Variants in STARD9 observed in about 807,000 individuals in gnomAD.
The protein encoded by STARD9 is StAR related lipid transfer domain containing 9.
Under a neutral mutation model 399.8 loss-of-function variants are expected in STARD9, and 346 were observed. The ratio of observed to expected loss-of-function variants is 0.87; its 90% CI spans 0.79 to 0.95. STARD9 has a LOEUF of 0.95. Ranked by LOEUF, STARD9 falls within the 40% of genes least tolerant of loss-of-function variation. STARD9 has a pLI of 0.00. For missense variants in STARD9, 5,832 were observed against 5,667.5 expected (o/e 1.03, Z -0.93); for synonymous variants, 2,203 against 2,143.5 (o/e 1.03, Z -0.77).
chr15:42,676,033 GA>G, intron 20 of STARD9, 58 bp downstream of exon 20: 19 of 725,266 alleles, frequency 2.6e-5, no homozygotes, highest in Non-Finnish European at 4.0e-5. Context: ...CTTAGTCCAT[GA>G]CAGCATGGAT....
intron 7 of STARD9, among the ~76,000 whole-genome samples, chr15:42,639,300 A>G (rs1464720032): frequency 6.6e-6 from 1 of 152,050 alleles, no homozygotes; most frequent in East Asian, 1.9e-4. Context: ...TGAGAGGGAA[A>G]ACTGTAGGGA....
At chr15:42,702,694 T>TTGTTATA (rs2060992705) in intron 26 of STARD9, among the ~76,000 whole-genome samples, 1 of 152,230 alleles carries the variant, frequency 6.6e-6, no homozygotes, top group African/African-American at 2.4e-5. Flanking sequence ...AGAAGTGCCT[T>TTGTTATA]TAGCAGTTGT....
chr15:42,716,191 G>A (rs2061346408), intron 26 of STARD9, among the ~76,000 whole-genome samples: 1 of 152,140 alleles, frequency 6.6e-6, no homozygotes, highest in African/African-American at 2.4e-5. Flanking sequence ...CTAATCCCCA[G>A]TTAGGACCTT....
chr15:42,651,771 A>C (rs971480403), intron 8 of STARD9, among the ~76,000 whole-genome samples: 15 of 152,174 alleles, frequency 9.9e-5, no homozygotes, highest in Non-Finnish European at 2.1e-4. Flanking sequence ...TCCTGGAGAC[A>C]CTTACTTCTG....
chr15:42,713,116 CAAT>C (rs2061281072), intron 26 of STARD9, among the ~76,000 whole-genome samples: 1 of 152,108 alleles, frequency 6.6e-6, no homozygotes, highest in African/African-American at 2.4e-5. Context: ...TTAATTTCAA[CAAT>C]GTTTCGAAGT....
chr15:42,633,784 A>G (rs1205266943), intron 3 of STARD9, among the ~76,000 whole-genome samples: 1 of 151,668 alleles, frequency 6.6e-6, no homozygotes, highest in Non-Finnish European at 1.5e-5. Flanking sequence ...CTGGGATTAT[A>G]GGTGCCCGCC....
At chr15:42,635,988 T>G (rs2059411573) in intron 4 of STARD9, among the ~76,000 whole-genome samples, 1 of 152,238 alleles carries the variant, frequency 6.6e-6, no homozygotes, top group African/African-American at 2.4e-5. Context: ...CTTTTTGTTT[T>G]GGGTTTAGAA....
intron 24 of STARD9, among the ~76,000 whole-genome samples, 160 bp downstream of exon 24, chr15:42,694,885 A>G (rs1461096493): frequency 6.6e-6 from 1 of 152,060 alleles, no homozygotes; most frequent in Non-Finnish European, 1.5e-5. Flanking sequence ...GGGGGTGGGC[A>G]GAGAGAAGGC....
chr15:42,679,136 C>T (rs1217285042), intron 20 of STARD9, among the ~76,000 whole-genome samples: 4 of 152,184 alleles, frequency 2.6e-5, no homozygotes, highest in Non-Finnish European at 5.9e-5. Context: ...CTGTCTCAGC[C>T]TCTTGCATCT....
intron 1 of STARD9, chr15:42,581,541 G>C (rs2058170487): frequency 8.1e-7 from 1 of 1,232,166 alleles, no homozygotes; most frequent in Non-Finnish European, 1.2e-6. Flanking sequence ...GCGGCGCCGG[G>C]CCGGTCTGCT....
intron 3 of STARD9, among the ~76,000 whole-genome samples, chr15:42,633,805 G>A (rs1416778412): frequency 1.3e-5 from 2 of 151,856 alleles, no homozygotes; most frequent in Non-Finnish European, 2.9e-5. Flanking sequence ...ACCATGCCTG[G>A]GTAATTTTTT....
intron 17 of STARD9, 125 bp downstream of exon 17, chr15:42,674,616 C>A: frequency 8.4e-7 from 1 of 1,193,154 alleles, no homozygotes; most frequent in East Asian, 2.6e-5. Flanking sequence ...GCCTGCTTCT[C>A]TTTCTGCTGC....
At chr15:42,680,895 G>A (rs1006519794) in intron 20 of STARD9, among the ~76,000 whole-genome samples, 3 of 152,128 alleles carry the variant, frequency 2.0e-5, no homozygotes, top group Non-Finnish European at 4.4e-5. Context: ...ACACACACAG[G>A]CGTGGTGTGT....
intron 16 of STARD9, 52 bp from the exon 17 acceptor site, chr15:42,674,388 C>A: frequency 1.4e-6 from 2 of 1,399,912 alleles, no homozygotes; most frequent in Non-Finnish European, 2.0e-6. Context: ...TCCTGTAGGG[C>A]AAGGCTCTGT....
At position 42,688,929 on chromosome 15, in the gene STARD9, A is replaced by G; in HGVS notation, c.7351A>G (p.Ile2451Val). 3 of 1,537,446 alleles carry G rather than the reference A, an allele frequency of 2.0e-6. No individual in the cohort carries two copies. The highest frequency in any genetic ancestry group is 1.4e-5 in the African/African-American group (1 of 73,180). The change falls in exon 23 of 33, where the codon ATC becomes GTC. Residue 2451 changes from isoleucine to valine, a missense_variant. This residue lies in a region of STARD9 where 5,828 missense variants were observed against 5,651.1 expected (regional missense o/e 1.03). Transcript: ENST00000290607. ...CCAAGACCATGGAAAGGACCTCAGA[A>G]TCACCTTGCTGGGTTTCAGTACCAG... ...SPQDHGKDLR[I>V]TLLGFSTSED...
intron 26 of STARD9, among the ~76,000 whole-genome samples, chr15:42,697,307 C>T (rs2060865822): frequency 1.3e-5 from 2 of 152,088 alleles, no homozygotes; most frequent in Admixed American, 6.6e-5. Flanking sequence ...TGCCATGTTG[C>T]CCAGGTTAGT....
chr15:42,601,687 C>G (rs770413023), intron 3 of STARD9, among the ~76,000 whole-genome samples: 2 of 152,236 alleles, frequency 1.3e-5, no homozygotes, highest in African/African-American at 4.8e-5. Context: ...TCTCCATTGT[C>G]GGTCTGTTAA....
chr15:42,689,918 CCCAGA>C lies in STARD9; in HGVS notation c.8341_8345del (p.Pro2781AlafsTer17). On this transcript the variant is annotated frameshift_variant, in exon 23 of 33. Transcript: ENST00000290607. LOFTEE classifies it high-confidence loss of function. ...TACCCCCTGGCAGTCAGGACAGCAG[CCCAGA>C]GCATCAGGAACCCAGAACTCTAGAC... The C allele has an allele frequency of 6.5e-7, 1 of 1,537,656 alleles. No individual in the cohort carries two copies. The highest frequency in any genetic ancestry group is 8.7e-7 in the Non-Finnish European group (1 of 1,146,998).
At chr15:42,633,726 T>TC (rs2059372558) in intron 3 of STARD9, among the ~76,000 whole-genome samples, 1 of 151,672 alleles carries the variant, frequency 6.6e-6, no homozygotes, top group South Asian at 2.1e-4. Flanking sequence ...TCATTGCACT[T>TC]CCGCTTCCTG....
Sources: gnomAD v4.1 joint callset for allele counts (sites outside exome capture counted in the v4.1 genomes callset) on GRCh38, gnomAD v4.1.1 for gene constraint, gnomAD v4.1.1 regional missense constraint, MANE v1.5 for transcripts, NCBI Gene and HGNC (gene_info 2026-07-23, HGNC 2026-07-21) for gene names.